GRID2: variants seen among roughly 807,000 people sequenced by gnomAD.
GRID2 encodes glutamate ionotropic receptor delta type subunit 2.
GRID2 carries 33 observed loss-of-function variants against 114.8 expected under a neutral mutation model. The ratio of observed to expected loss-of-function variants is 0.29; its 90% CI spans 0.22 to 0.38. The LOEUF (loss-of-function observed/expected upper bound fraction) is 0.38, where lower values mean the gene tolerates loss of function less well. GRID2 is among the 10% of genes least tolerant of loss of function. GRID2 has a pLI of 1.00. For synonymous variants in GRID2, 505 were observed against 449.9 expected (o/e 1.12, Z -1.55); for missense variants, 1,184 against 1,257.7 (o/e 0.94, Z 0.89).
chr4:92,886,904 C>T (rs901728423), intron 2 of GRID2, among the ~76,000 whole-genome samples: 2 of 152,080 alleles, frequency 1.3e-5, no homozygotes, highest in South Asian at 2.1e-4. Flanking sequence ...GGATTATAGG[C>T]GTGAGCCACC....
chr4:92,547,998 C>T (rs1020093110), intron 1 of GRID2, among the ~76,000 whole-genome samples: 3 of 151,962 alleles, frequency 2.0e-5, no homozygotes, highest in African/African-American at 7.2e-5. Flanking sequence ...CTTACAAGAC[C>T]TGAATTCTTC....
chr4:92,766,899 C>T (rs1055857060), intron 2 of GRID2, among the ~76,000 whole-genome samples: 1 of 152,146 alleles, frequency 6.6e-6, no homozygotes, highest in African/African-American at 2.4e-5. Flanking sequence ...GGATTTGTAT[C>T]TCAGCTCTGT....
At chr4:92,587,106 GT>G (rs557524483) in intron 1 of GRID2, among the ~76,000 whole-genome samples, 6,513 of 146,624 alleles carry the variant, frequency 0.044, 157 homozygotes, top group East Asian at 0.097. Context: ...TGCTGTGTGT[GT>G]GTGTGTGTGT....
chr4:92,853,520 C>A (rs757377741), intron 2 of GRID2, among the ~76,000 whole-genome samples: 4 of 151,862 alleles, frequency 2.6e-5, no homozygotes, highest in African/African-American at 4.8e-5. Flanking sequence ...GACATTTTAT[C>A]TCACCAGAAT....
At chr4:93,662,301 A>G (rs1723571117) in intron 14 of GRID2, among the ~76,000 whole-genome samples, 2 of 151,986 alleles carry the variant, frequency 1.3e-5, no homozygotes, top group Non-Finnish European at 1.5e-5. Context: ...GTTGTTCTCT[A>G]TGGCACCACC....
chr4:92,979,729 C>G (rs969492593), intron 2 of GRID2, among the ~76,000 whole-genome samples: 1 of 152,144 alleles, frequency 6.6e-6, no homozygotes, highest in African/African-American at 2.4e-5. Context: ...TCTGCATTTT[C>G]AACTACAAGG....
intron 2 of GRID2, among the ~76,000 whole-genome samples, chr4:92,843,076 A>AAAAAAT (rs954671951): frequency 1.1e-4 from 16 of 151,964 alleles, no homozygotes; most frequent in Admixed American, 8.5e-4. Flanking sequence ...CCATATATAC[A>AAAAAAT]AAAAATAAAA....
intron 1 of GRID2, among the ~76,000 whole-genome samples, chr4:92,396,300 G>GCATTAT (rs1730488423): frequency 6.6e-6 from 1 of 151,882 alleles, no homozygotes; most frequent in African/African-American, 2.4e-5. Flanking sequence ...AGCTTGTAGT[G>GCATTAT]CATTATATTT....
chr4:93,215,035 A>C (rs1276729191), intron 5 of GRID2, among the ~76,000 whole-genome samples: 1 of 152,014 alleles, frequency 6.6e-6, no homozygotes, highest in Non-Finnish European at 1.5e-5. Context: ...AATAAATAGC[A>C]TCTGATTCAG....
chr4:92,934,786 G>A (rs1468299766), intron 2 of GRID2, among the ~76,000 whole-genome samples: 1 of 147,000 alleles, frequency 6.8e-6, no homozygotes, highest in Admixed American at 7.3e-5. Flanking sequence ...AAGCAGTGGG[G>A]AAAGGATTCC....
intron 1 of GRID2, among the ~76,000 whole-genome samples, chr4:92,338,278 G>A (rs565672606): frequency 1.2e-4 from 18 of 151,974 alleles, no homozygotes; most frequent in African/African-American, 2.9e-4. Flanking sequence ...TTATAAAGAC[G>A]GATTGTACCT....
At chr4:93,131,197 A>C (rs1734770316) in intron 4 of GRID2, among the ~76,000 whole-genome samples, 1 of 126,522 alleles carries the variant, frequency 7.9e-6, no homozygotes, top group Admixed American at 9.6e-5. Flanking sequence ...CTGTGTCACC[A>C]GGCTGGAGTG....
At chr4:93,143,752 C>T (rs1210329202) in intron 4 of GRID2, among the ~76,000 whole-genome samples, 1 of 152,162 alleles carries the variant, frequency 6.6e-6, no homozygotes, top group Non-Finnish European at 1.5e-5. Context: ...TTATGACCTA[C>T]CTTGACTGCT....
intron 2 of GRID2, among the ~76,000 whole-genome samples, chr4:92,736,751 A>G (rs550959453): frequency 1.2e-4 from 18 of 152,248 alleles, no homozygotes; most frequent in Admixed American, 7.9e-4. Context: ...GGCCCTAAAC[A>G]TTTCAACGTT....
intron 14 of GRID2, among the ~76,000 whole-genome samples, chr4:93,756,357 C>A (rs1393026489): frequency 6.6e-6 from 1 of 152,202 alleles, no homozygotes; most frequent in East Asian, 1.9e-4. Flanking sequence ...ATCTATGTTT[C>A]TTAGTCTGCC....
At chr4:92,896,757 G>A (rs1318529002) in intron 2 of GRID2, among the ~76,000 whole-genome samples, 1 of 152,018 alleles carries the variant, frequency 6.6e-6, no homozygotes, top group Non-Finnish European at 1.5e-5. Flanking sequence ...TCTTTTGTGT[G>A]TGTGAGACGG....
At position 93,521,159 on chromosome 4, in the gene GRID2, G is replaced by A. The variant is rs1220842427; in HGVS notation, c.2193+5748G>A. Reference sequence around the variant, plus strand: ...CTTACGTAGGTGGAGGGATGGAGTTGCCATTTATTGAGATTGAGAAAACCA... The same window carrying A: ...CTTACGTAGGTGGAGGGATGGAGTTACCATTTATTGAGATTGAGAAAACCA... On this transcript the variant is annotated intron_variant, in intron 13 of 15. Transcript: ENST00000282020. Among the ~76,000 whole-genome samples, 5 of 152,264 alleles carry A rather than the reference G, an allele frequency of 3.3e-5. No homozygotes were observed. In the East Asian group the frequency reaches 9.7e-4, roughly 29 times the overall value.
chr4:92,424,000 T>C (rs932667522), intron 1 of GRID2, among the ~76,000 whole-genome samples: 3 of 152,152 alleles, frequency 2.0e-5, no homozygotes, highest in African/African-American at 7.2e-5. Context: ...CTTCAAGTAG[T>C]GTTAAACCAA....
At chr4:93,424,809 T>C (rs1768678936) in intron 10 of GRID2, among the ~76,000 whole-genome samples, 1 of 152,146 alleles carries the variant, frequency 6.6e-6, no homozygotes, top group Non-Finnish European at 1.5e-5. Flanking sequence ...TCAAGTTAGA[T>C]CACTTAATGT....
Sources: allele counts gnomAD v4.1 joint callset (sites outside exome capture counted in the v4.1 genomes callset), GRCh38; gene constraint gnomAD v4.1.1; transcripts MANE v1.5; gene names NCBI Gene and HGNC (gene_info 2026-07-23, HGNC 2026-07-21).